The following TARS3 variants were observed in gnomAD, a reference collection of about 807,000 sequenced individuals.
TARS3 encodes the protein threonine--tRNA ligase 2, cytoplasmic.
TARS3 carries 94 observed loss-of-function variants against 103.5 expected under a neutral mutation model. The observed-to-expected ratio is 0.91, with a 90% CI of 0.77 to 1.08. The LOEUF (loss-of-function observed/expected upper bound fraction) is 1.08, where lower values mean the gene tolerates loss of function less well. TARS3 is among the 50% of genes least tolerant of loss of function. TARS3 has a pLI of 0.00. For missense variants in TARS3, 952 were observed against 995.2 expected (o/e 0.96, Z 0.58); for synonymous variants, 416 against 355.4 (o/e 1.17, Z -1.92).
intron 12 of TARS3, among the ~76,000 whole-genome samples, chr15:101,677,811 T>C (rs374058919): frequency 6.6e-6 from 1 of 151,996 alleles, no homozygotes; most frequent in African/African-American, 2.4e-5. Context: ...TTTGTATTTT[T>C]AGTAGAGACA....
At chr15:101,656,784 A>G (rs2141377246) in intron 18 of TARS3, 138 bp downstream of exon 18, 1 of 615,198 alleles carries the variant, frequency 1.6e-6, no homozygotes, top group East Asian at 2.8e-5. Flanking sequence ...TAGGAATGCT[A>G]TGGACTCTTC....
chr15:101,677,026 T>C lies in TARS3; in HGVS notation c.1651-1289A>G, dbSNP rs535051215. On this transcript the variant is annotated intron_variant, in intron 12 of 18. Transcript: ENST00000335968. Reference sequence around the variant, plus strand: ...TCCCTGTGTCCATCTGTTCTCATTGTTCAGTTCCCACTTATAAGTGAGAAC... The same window carrying C: ...TCCCTGTGTCCATCTGTTCTCATTGCTCAGTTCCCACTTATAAGTGAGAAC... Among the ~76,000 whole-genome samples, 16 of 152,324 alleles carry C rather than the reference T, an allele frequency of 1.1e-4. No individual in the cohort carries two copies. The East Asian group carries it at 3.1e-3, about 29-fold the overall frequency.
intron 10 of TARS3, among the ~76,000 whole-genome samples, chr15:101,686,318 A>G (rs1898473559): frequency 6.6e-6 from 1 of 152,196 alleles, no homozygotes; most frequent in Non-Finnish European, 1.5e-5. Flanking sequence ...AGTTCTTTGA[A>G]AAGTAGTAAT....
chr15:101,698,914 G>A (rs1899116354), intron 10 of TARS3, among the ~76,000 whole-genome samples: 1 of 152,176 alleles, frequency 6.6e-6, no homozygotes, highest in Non-Finnish European at 1.5e-5. Flanking sequence ...AAACCCACCA[G>A]CCTGTCAAGT....
intron 6 of TARS3, among the ~76,000 whole-genome samples, chr15:101,706,788 C>T (rs1474994017): frequency 2.6e-5 from 4 of 152,060 alleles, no homozygotes; most frequent in Non-Finnish European, 2.9e-5. Context: ...GAGAAAAACC[C>T]GTATCTGCAT....
chr15:101,711,760 T>C (rs1477472336), intron 5 of TARS3, 120 bp downstream of exon 5: 2 of 1,196,224 alleles, frequency 1.7e-6, no homozygotes, highest in African/African-American at 3.1e-5. Flanking sequence ...TGGGCGTCGG[T>C]GCCCCTAACC....
At chr15:101,685,814 T>G in intron 11 of TARS3, 82 bp downstream of exon 11, 1 of 1,185,708 alleles carries the variant, frequency 8.4e-7, no homozygotes. Context: ...GACTCTTTCA[T>G]TCCACAAAGC....
chr15:101,680,875 C>A (rs567468595), intron 12 of TARS3, among the ~76,000 whole-genome samples: 9 of 152,092 alleles, frequency 5.9e-5, no homozygotes, highest in Non-Finnish European at 1.0e-4. Context: ...AAATCATCAC[C>A]TATCACCTAA....
intron 4 of TARS3, 166 bp downstream of exon 4, chr15:101,714,674 G>A: frequency 3.8e-6 from 1 of 263,888 alleles, no homozygotes; most frequent in Non-Finnish European, 6.8e-6. Context: ...ACATGTATTT[G>A]TATACATTCA....
chr15:101,679,003 G>A (rs1898146180), intron 12 of TARS3, among the ~76,000 whole-genome samples: 1 of 151,936 alleles, frequency 6.6e-6, no homozygotes, highest in Non-Finnish European at 1.5e-5. Flanking sequence ...GTTTTTTAAT[G>A]AGAAATTGCT....
rs541455104 is a variant in TARS3, at chr15:101,690,075, G to A, written c.1321-4013C>T. Among the ~76,000 whole-genome samples, 9 of 152,278 alleles carry A rather than the reference G, an allele frequency of 5.9e-5. No individual in the cohort carries two copies. The South Asian group carries it at 1.0e-3, about 18-fold the overall frequency. On this transcript the variant is annotated intron_variant, in intron 10 of 18. Coordinates refer to ENST00000335968, the MANE Select transcript of TARS3 (RefSeq NM_152334.3). ...TGACATCACCACATGATGACACATC[G>A]GCTGATCGGAGTTTGTGGGAGGAAA...
At chr15:101,714,712 A>C (rs898315509) in intron 4 of TARS3, 128 bp downstream of exon 4, 3 of 708,854 alleles carry the variant, frequency 4.2e-6, no homozygotes, top group Non-Finnish European at 6.3e-6. Flanking sequence ...AAACATCAAT[A>C]ATCAAATTTT....
At chr15:101,662,738 C>T (rs1036913769) in intron 15 of TARS3, among the ~76,000 whole-genome samples, 1 of 152,140 alleles carries the variant, frequency 6.6e-6, no homozygotes, top group Non-Finnish European at 1.5e-5. Flanking sequence ...CCTGAATATC[C>T]CATCATGTTG....
At chr15:101,663,402 A>G (rs927198774) in intron 15 of TARS3, among the ~76,000 whole-genome samples, 2 of 152,234 alleles carry the variant, frequency 1.3e-5, no homozygotes, top group African/African-American at 4.8e-5. Flanking sequence ...AGGCTATCCC[A>G]TACAGCTTAA....
intron 12 of TARS3, among the ~76,000 whole-genome samples, chr15:101,683,053 A>G (rs1898317724): frequency 6.6e-6 from 1 of 151,916 alleles, no homozygotes; most frequent in Non-Finnish European, 1.5e-5. Flanking sequence ...AATTTTATTG[A>G]TCTTCTCAGA....
intron 8 of TARS3, 131 bp downstream of exon 8, chr15:101,703,728 A>C: frequency 3.1e-6 from 2 of 636,064 alleles, no homozygotes; most frequent in Non-Finnish European, 5.5e-6. Flanking sequence ...TTTTCATCAA[A>C]TAAGAATGAA....
In TARS3 at chr15:101,724,246, G is replaced by A. The variant is rs780237018; in HGVS notation, c.142C>T (p.Pro48Ser). 4 of 1,556,768 alleles carry A rather than the reference G, an allele frequency of 2.6e-6. No individual in the cohort carries two copies. In the East Asian group the frequency reaches 9.7e-5, roughly 38 times the overall value. Residue 48 changes from proline to serine, a missense_variant, in exon 1 of 19, where the codon CCG (proline) becomes TCG (serine). By Grantham distance (74) the Pro-to-Ser change is moderately conservative (BLOSUM62 -1). Around this residue, in one of 2 missense-constraint regions of TARS3, gnomAD observed 412 missense variants for 364.2 expected, o/e 1.13. Coordinates refer to ENST00000335968, the MANE Select transcript of TARS3 (RefSeq NM_152334.3). Reference protein sequence around the residue: ...NAPYSCQAEGPCLTREVAQLR... With the variant: ...NAPYSCQAEGSCLTREVAQLR... ...TGCGCCACCTCCCGCGTGAGGCACG[G>A]CCCCTCCGCCTGGCAGCTGTAGGGC...
In TARS3 at chr15:101,714,937, A is replaced by C. The variant is rs772838351; in HGVS notation, c.593T>G (p.Ile198Arg). Residue 198 changes from isoleucine (I) to arginine (R), a missense_variant, in exon 4 of 19, where the codon ATA (isoleucine) becomes AGA (arginine). Physicochemically the swap from Ile to Arg is moderately conservative, Grantham distance 97. Coordinates refer to ENST00000335968, the MANE Select transcript of TARS3 (RefSeq NM_152334.3). ...ISQELAESTV[I>R]AKVNGELWDL... Reference sequence around the variant, plus strand: ...CCACAGTTCACCATTGACTTTGGCTATTACCGTGCTTTCAGCCAGTTCCTG... The same window carrying C: ...CCACAGTTCACCATTGACTTTGGCTCTTACCGTGCTTTCAGCCAGTTCCTG... 1 of 1,610,742 alleles carries C rather than the reference A, an allele frequency of 6.2e-7. No individual in the cohort carries two copies. Among genetic ancestry groups the C allele is most frequent in the Non-Finnish European group, 8.5e-7 (1 of 1,178,010 alleles).
At position 101,702,362 on chromosome 15, in the gene TARS3, G is replaced by C; in HGVS notation, c.1098C>G (p.Gly366=). Residue 366 remains glycine, a synonymous_variant, in exon 9 of 19, where the codon GGC becomes GGG. Coordinates refer to ENST00000335968, the MANE Select transcript of TARS3 (RefSeq NM_152334.3). ...IFKNSSTYWE[G]NPEMETLQRI... ...TCTGCAATGTTTCCATTTCCGGATT[G>C]CCCTCCCAATATGTTGAGGAATTCT... The C allele has an allele frequency of 6.2e-7, 1 of 1,613,710 alleles. No homozygotes were observed. The highest frequency in any genetic ancestry group is 8.5e-7 in the Non-Finnish European group (1 of 1,179,714).
Sources: allele counts gnomAD v4.1 joint callset (sites outside exome capture counted in the v4.1 genomes callset), GRCh38; gene constraint gnomAD v4.1.1; regional missense constraint gnomAD v4.1.1; transcripts MANE v1.5; gene names NCBI Gene and HGNC (gene_info 2026-07-23, HGNC 2026-07-21).